RUBCN: variants seen among roughly 807,000 people sequenced by gnomAD.
The protein encoded by RUBCN is run domain Beclin-1-interacting and cysteine-rich domain-containing protein.
RUBCN carries 74 observed loss-of-function variants against 113.2 expected under a neutral mutation model. The ratio of observed to expected loss-of-function variants is 0.65; its 90% CI spans 0.54 to 0.79. The LOEUF (loss-of-function observed/expected upper bound fraction) is 0.79, where lower values mean the gene tolerates loss of function less well. Among genes scored for constraint, RUBCN ranks in the 30% least tolerant of loss-of-function variants. The pLI is 0.00. For synonymous variants in RUBCN, 480 were observed against 490.0 expected (o/e 0.98, Z 0.27); for missense variants, 1,109 against 1,251.7 (o/e 0.89, Z 1.72).
chr3:197,694,464 ATCTC>A lies in RUBCN; in HGVS notation c.1591_1594del (p.Glu531SerfsTer4). ...GCGGATCTTCTGCTTCAGCTCCTGG[ATCTC>A]TCTATCACTGTCTTCCTCTTCCACT... is the stretch of plus-strand genomic sequence containing the variant. On this transcript the variant is annotated frameshift_variant, in exon 10 of 20. Coordinates refer to ENST00000296343, the MANE Select transcript of RUBCN (RefSeq NM_014687.4). LOFTEE classifies it high-confidence loss of function. 1.2e-6 allele frequency: 2 copies of A among 1,614,132 alleles called. No homozygotes were observed. Among genetic ancestry groups the A allele is most frequent in the Non-Finnish European group, 1.7e-6 (2 of 1,180,004 alleles).
At position 197,729,239 on chromosome 3, in the gene RUBCN, G is replaced by GT. The variant is rs1296488050; in HGVS notation, c.65+7415dup. Reference sequence around the variant, plus strand: ...GGGAAAACCACTGAACATTGCTTTTGTTTTTTTTGTTTTGTTTTGTTTGTT... The same window carrying GT: ...GGGAAAACCACTGAACATTGCTTTTGTTTTTTTTTGTTTTGTTTTGTTTGTT... On this transcript the variant is annotated intron_variant, in intron 1 of 19. Transcript: ENST00000296343. 2.0e-4 allele frequency among the ~76,000 whole-genome samples: 30 copies of GT among 147,790 alleles called. No individual in the cohort carries two copies. The South Asian group carries it at 3.6e-3, about 18-fold the overall frequency.
At chr3:197,737,580 ATGGTGTGGGCATTC>A (rs1728285278), upstream of RUBCN, among the ~76,000 whole-genome samples, 1 of 152,022 alleles carries the variant, frequency 6.6e-6, no homozygotes, top group Non-Finnish European at 1.5e-5. Flanking sequence ...GAGCAGCAGC[ATGGTGTGGGCATTC>A]TGGTGTGGGG....
intron 1 of RUBCN, among the ~76,000 whole-genome samples, chr3:197,719,409 T>C (rs1308376305): frequency 1.5e-5 from 2 of 137,910 alleles, no homozygotes; most frequent in Non-Finnish European, 3.0e-5. Context: ...ACCTGGGAAG[T>C]GGAGGTTGCA....
In RUBCN at chr3:197,703,536, T is replaced by C. The variant is rs1186771533; in HGVS notation, c.570+12A>G. 3.8e-6 allele frequency: 6 copies of C among 1,583,088 alleles called. No individual in the cohort carries two copies. Among genetic ancestry groups the C allele is most frequent in the East Asian group, 2.2e-5 (1 of 44,710 alleles). On this transcript the variant is annotated intron_variant, in intron 5 of 19. Transcript: ENST00000296343. ...CCCAGCATAGACGTGGATAATTCCTTGTCCCCTGTACCATGGACGCATCGA... is the reference window on the plus strand; with the variant it reads ...CCCAGCATAGACGTGGATAATTCCTCGTCCCCTGTACCATGGACGCATCGA...
chr3:197,687,337 T>A lies in RUBCN; in HGVS notation c.1787-3120A>T, dbSNP rs563403956. On this transcript the variant is annotated intron_variant, in intron 11 of 19. Transcript: ENST00000296343. ...GATTACCTTGACCTTGAATTGGATA[T>A]AATTTTGAAACTTGTCAGAAAGTAT... 2.6e-5 allele frequency among the ~76,000 whole-genome samples: 4 copies of A among 152,366 alleles called. No homozygotes were observed. The East Asian group carries it at 7.7e-4, about 29-fold the overall frequency.
chr3:197,703,633 T>A lies in RUBCN; in HGVS notation c.485A>T (p.Asp162Val), dbSNP rs767078606. 24 of 1,613,506 alleles carry A rather than the reference T, an allele frequency of 1.5e-5. No individual in the cohort carries two copies. The highest frequency in any genetic ancestry group is 1.9e-5 in the Non-Finnish European group (23 of 1,179,732). ...FYTDAAFLLS[D>V]AHVTAMLQCL... ...CTGCAGCATGGCCGTGACATGAGCG[T>A]CACTTAGCAGGAAGGCAGCATCTGG... The change falls in exon 5 of 20, where the codon GAC (aspartate) becomes GTC (valine). Residue 162 changes from aspartate to valine, a missense_variant. Asp to Val is a radical substitution (Grantham distance 152, BLOSUM62 -3). Around this residue, in one of 3 missense-constraint regions of RUBCN, gnomAD observed 736 missense variants for 779.6 expected, o/e 0.94. Coordinates refer to ENST00000296343, the MANE Select transcript of RUBCN (RefSeq NM_014687.4).
At position 197,730,618 on chromosome 3, in the gene RUBCN, G is replaced by A. The variant is rs112622269; in HGVS notation, c.65+6037C>T. Reference sequence around the variant, plus strand: ...GAAAGTGGGACCAGGGGGCCATCACGAGTGTGGATGCTGTGCCAAGGCCCG... The same window carrying A: ...GAAAGTGGGACCAGGGGGCCATCACAAGTGTGGATGCTGTGCCAAGGCCCG... On this transcript the variant is annotated intron_variant, in intron 1 of 19. Coordinates refer to ENST00000296343, the MANE Select transcript of RUBCN (RefSeq NM_014687.4). 4.0e-3 allele frequency among the ~76,000 whole-genome samples: 594 copies of A among 149,340 alleles called. 1 individual carries two copies. The highest frequency in any genetic ancestry group is 5.1e-3 in the Non-Finnish European group (344 of 67,664).
At chr3:197,710,609 A>AG (rs1167986671) in intron 2 of RUBCN, among the ~76,000 whole-genome samples, 1 of 152,106 alleles carries the variant, frequency 6.6e-6, no homozygotes, top group African/African-American at 2.4e-5. Context: ...AAAAAAAAAA[A>AG]AAAAGAAAGA....
Position 197,691,073 on chromosome 3 carries a change from C to G in RUBCN, c.1786+2642G>C, listed in dbSNP as rs930195556. ...ACATCCACGCTTGCAAAGTAGGCTA[C>G]CTGAGAACATCGAGGCCAGTGACAC... On this transcript the variant is annotated intron_variant, in intron 11 of 19. Transcript: ENST00000296343. 4 of 1,288,196 alleles carry G rather than the reference C, an allele frequency of 3.1e-6. No individual in the cohort carries two copies. In the African/African-American group the frequency reaches 6.1e-5, roughly 20 times the overall value. 79.8% of individuals were successfully genotyped at this position (1,288,196 alleles called of 1,614,324 possible). A position where few individuals can be genotyped will look rare whatever the true frequency, so the allele number is the denominator to read the frequency against.
At chr3:197,711,865 GT>G (rs959478487) in intron 2 of RUBCN, among the ~76,000 whole-genome samples, 4 of 151,668 alleles carry the variant, frequency 2.6e-5, no homozygotes, top group African/African-American at 7.3e-5. Context: ...CAACCTTAAT[GT>G]TTTTTTTAAA....
intron 9 of RUBCN, among the ~76,000 whole-genome samples, chr3:197,695,452 AT>A (rs1426955713): frequency 6.6e-6 from 1 of 152,150 alleles, no homozygotes; most frequent in Non-Finnish European, 1.5e-5. Context: ...AATAAAAAAA[AT>A]AGCCAGGTGT....
chr3:197,714,216 T>C (rs1725269636), intron 2 of RUBCN, among the ~76,000 whole-genome samples: 1 of 152,230 alleles, frequency 6.6e-6, no homozygotes. Flanking sequence ...TTATTTCCCA[T>C]GGATGTGAGC....
intron 1 of RUBCN, among the ~76,000 whole-genome samples, chr3:197,725,015 C>T (rs771121159): frequency 1.3e-5 from 2 of 151,954 alleles, no homozygotes; most frequent in South Asian, 2.1e-4. Context: ...CTCGTCTCTA[C>T]AAAAAAACTA....
chr3:197,679,109 T>A (rs372704465), intron 16 of RUBCN, among the ~76,000 whole-genome samples: 6 of 150,218 alleles, frequency 4.0e-5, no homozygotes, highest in African/African-American at 1.5e-4. Context: ...ACAACTGGCT[T>A]CAGACTGTCC....
chr3:197,693,404 G>A lies in RUBCN; in HGVS notation c.1786+311C>T, dbSNP rs572423762. ...CAAGAGAATAGGATTCTAATTTCAA[G>A]TGGTATGGACCAGCCCTACAAGCTG... On this transcript the variant is annotated intron_variant, in intron 11 of 19. Transcript: ENST00000296343. Among the ~76,000 whole-genome samples the A allele has an allele frequency of 4.4e-4, 67 of 152,288 alleles. 1 individual carries two copies. The highest frequency in any genetic ancestry group is 3.4e-3 in the Middle Eastern group (1 of 294).
At chr3:197,704,853 T>C (rs1195048199) in intron 3 of RUBCN, 152 bp from the exon 4 acceptor site, 1 of 966,828 alleles carries the variant, frequency 1.0e-6, no homozygotes, top group Non-Finnish European at 1.6e-6. Context: ...TTTTTGAAAA[T>C]AGCAAAACTT....
At chr3:197,741,474 T>C (rs1728521733), upstream of RUBCN, among the ~76,000 whole-genome samples, 1 of 152,240 alleles carries the variant, frequency 6.6e-6, no homozygotes, top group South Asian at 2.1e-4. Context: ...TTAGCTTTTA[T>C]TCTGTCTTTA....
At chr3:197,694,229 T>C (rs773276796) in intron 10 of RUBCN, 146 bp downstream of exon 10, 2 of 817,422 alleles carry the variant, frequency 2.4e-6, no homozygotes, top group African/African-American at 3.3e-5. Context: ...ACGGAGCGAC[T>C]CTAGGATGAG....
chr3:197,701,810 C>T lies in RUBCN; in HGVS notation c.625G>A (p.Ala209Thr). The T allele has an allele frequency of 6.2e-7, 1 of 1,614,160 alleles. No individual in the cohort carries two copies. The highest frequency in any genetic ancestry group is 1.3e-5 in the African/African-American group (1 of 75,034). Residue 209 changes from alanine to threonine, a missense_variant, in exon 6 of 20, where the codon GCC (alanine) becomes ACC (threonine). Ala to Thr is a moderately conservative substitution (Grantham distance 58). Transcript: ENST00000296343. ...LLVTKSQSLT[A>T]LPSSTYTPPN... ...GGGGTGTATGTGGAACTGGGCAGGG[C>T]TGTCAGGCTCTGGCTCTTTGTCACC... is the stretch of plus-strand genomic sequence containing the variant.
Sources: allele counts gnomAD v4.1 joint callset (sites outside exome capture counted in the v4.1 genomes callset), GRCh38; gene constraint gnomAD v4.1.1; regional missense constraint gnomAD v4.1.1; transcripts MANE v1.5; gene names NCBI Gene and HGNC (gene_info 2026-07-23, HGNC 2026-07-21).